The following POLR3B variants were observed in gnomAD, a reference collection of about 807,000 sequenced individuals.
POLR3B encodes DNA-directed RNA polymerase III subunit RPC2.
Under a neutral mutation model 147.4 loss-of-function variants are expected in POLR3B, and 96 were observed. That is an observed-to-expected ratio of 0.65 (90% CI 0.55 to 0.77). The LOEUF is 0.77. Ranked by LOEUF, POLR3B falls within the 30% of genes least tolerant of loss-of-function variation. The pLI is 0.00. For missense variants in POLR3B, 1,036 were observed against 1,413.5 expected, an observed-to-expected ratio of 0.73 and a Z score of 4.28; for synonymous variants, 461 against 485.9, an observed-to-expected ratio of 0.95 and a Z score of 0.67.
chr12:106,451,850 G>A (rs2037801560), intron 19 of POLR3B, among the ~76,000 whole-genome samples: 1 of 152,126 alleles, frequency 6.6e-6, no homozygotes, highest in Non-Finnish European at 1.5e-5. Context: ...GTGCCAGCTT[G>A]TGACTTAAGA....
chr12:106,442,259 A>C (rs921132547), intron 18 of POLR3B, among the ~76,000 whole-genome samples: 1 of 152,112 alleles, frequency 6.6e-6, no homozygotes, highest in African/African-American at 2.4e-5. Flanking sequence ...TAAGAGAAAA[A>C]AACTTCAGAT....
At chr12:106,371,133 T>G (rs546755630) in intron 6 of POLR3B, among the ~76,000 whole-genome samples, 3 of 152,068 alleles carry the variant, frequency 2.0e-5, no homozygotes, top group African/African-American at 7.2e-5. Context: ...GCGAAGGACA[T>G]GAACAGACAC....
chr12:106,499,617 A>G (rs888218040), intron 25 of POLR3B, among the ~76,000 whole-genome samples: 2 of 152,202 alleles, frequency 1.3e-5, no homozygotes, highest in African/African-American at 4.8e-5. Context: ...ACCATGAGCA[A>G]CCCTACCATT....
At chr12:106,464,698 G>C (rs1310652123) in intron 23 of POLR3B, among the ~76,000 whole-genome samples, 1 of 151,958 alleles carries the variant, frequency 6.6e-6, no homozygotes, top group Non-Finnish European at 1.5e-5. Context: ...TTTCTACCTT[G>C]ACTCTCACAT....
intron 21 of POLR3B, among the ~76,000 whole-genome samples, chr12:106,458,429 A>G (rs1481272284): frequency 6.6e-6 from 1 of 152,158 alleles, no homozygotes; most frequent in Non-Finnish European, 1.5e-5. Context: ...TATTTTCATT[A>G]TGATCCTAAA....
At chr12:106,383,926 C>T (rs778106645) in intron 9 of POLR3B, among the ~76,000 whole-genome samples, 19 of 149,644 alleles carry the variant, frequency 1.3e-4, no homozygotes, top group Admixed American at 6.0e-4. Flanking sequence ...TGCGGTGAGC[C>T]GAGATTGCAC....
In POLR3B at chr12:106,427,262, C is replaced by T; in HGVS notation, c.1167C>T (p.Asp389=). 1.2e-6 allele frequency: 2 copies of T among 1,611,218 alleles called. No individual in the cohort carries two copies. The highest frequency in any genetic ancestry group is 1.7e-6 in the Non-Finnish European group (2 of 1,178,474). Residue 389 remains aspartate, a synonymous_variant, in exon 13 of 28, where the codon GAC becomes GAT. Coordinates refer to ENST00000228347, the MANE Select transcript of POLR3B (RefSeq NM_018082.6). ...KFNSEMKKIA[D]QVIPKQRAAQ... ...ATTCTGAAATGAAAAAGATTGCCGA[C>T]CAGGTGATTCCTAAGCAAAGAGCAG...
chr12:106,485,516 G>A (rs1412015188), intron 23 of POLR3B, among the ~76,000 whole-genome samples: 1 of 152,178 alleles, frequency 6.6e-6, no homozygotes, highest in Non-Finnish European at 1.5e-5. Flanking sequence ...AAGGGTGGTG[G>A]CTTGGACTAG....
chr12:106,411,052 T>C, intron 12 of POLR3B, 92 bp downstream of exon 12: 1 of 1,285,346 alleles, frequency 7.8e-7, no homozygotes, highest in Non-Finnish European at 1.1e-6. Flanking sequence ...TTGAATGAAA[T>C]ATAGTTTGCA....
At chr12:106,479,796 C>CTTCTTTGCTTTTCTT (rs2038239728) in intron 23 of POLR3B, among the ~76,000 whole-genome samples, 2 of 133,916 alleles carry the variant, frequency 1.5e-5, no homozygotes, top group African/African-American at 6.0e-5. Context: ...TCTTTCCTTC[C>CTTCTTTGCTTTTCTT]TTCTTTTCTT....
rs1043014755 is a variant in POLR3B, at chr12:106,454,523, G to A, written c.2105G>A (p.Arg702Gln). Residue 702 changes from arginine (R) to glutamine (Q), a missense_variant, in exon 20 of 28, where the codon CGA becomes CAA. By Grantham distance (43) the Arg-to-Gln change is conservative. This residue lies in a region of POLR3B where 202 missense variants were observed against 272.8 expected (regional missense o/e 0.74). Coordinates refer to ENST00000228347, the MANE Select transcript of POLR3B (RefSeq NM_018082.6). ...QAMGTIGYNQRNRIDTLMYLL... is the reference protein window; with the variant it reads ...QAMGTIGYNQQNRIDTLMYLL... ...GCAGGTACTATAGGATACAACCAGC[G>A]AAACAGAATTGATACTCTCATGTAT... is the stretch of plus-strand genomic sequence containing the variant. The A allele has an allele frequency of 1.4e-5, 23 of 1,594,966 alleles. No individual in the cohort carries two copies. The highest frequency in any genetic ancestry group is 2.2e-5 in the South Asian group (2 of 90,762).
chr12:106,395,175 T>G (rs964153736), intron 10 of POLR3B, among the ~76,000 whole-genome samples: 2 of 152,128 alleles, frequency 1.3e-5, no homozygotes, highest in Non-Finnish European at 2.9e-5. Context: ...AAGGCTGCAG[T>G]GACCCATGAT....
At chr12:106,449,628 T>C (rs2037771727) in intron 19 of POLR3B, among the ~76,000 whole-genome samples, 1 of 152,156 alleles carries the variant, frequency 6.6e-6, no homozygotes, top group South Asian at 2.1e-4. Flanking sequence ...GAAAATATAT[T>C]TATTGTTCTT....
At chr12:106,400,730 G>A (rs1437932180) in intron 10 of POLR3B, among the ~76,000 whole-genome samples, 1 of 152,136 alleles carries the variant, frequency 6.6e-6, no homozygotes, top group African/African-American at 2.4e-5. Context: ...TGACTACTGG[G>A]TACATAATGA....
chr12:106,509,874 T>G lies in POLR3B; in HGVS notation c.*325T>G. The stretch of plus-strand genomic sequence containing the variant: ...TTCACTCATTAGAAGACCTTACTCC[T>G]TCAAGCAAATGTTTGGGGTCAAATT... On this transcript the variant is annotated 3_prime_UTR_variant, in exon 28 of 28. Coordinates refer to ENST00000228347, the MANE Select transcript of POLR3B (RefSeq NM_018082.6). 1 of 240,772 alleles carries G rather than the reference T, an allele frequency of 4.2e-6. No homozygotes were observed. Among genetic ancestry groups the G allele is most frequent in the Non-Finnish European group, 8.3e-6 (1 of 120,246 alleles). The allele number at this position is 240,772 out of a possible 1,614,324, so 14.9% of individuals were successfully genotyped here.
chr12:106,448,568 C>T (rs2137021551), intron 19 of POLR3B, among the ~76,000 whole-genome samples: 1 of 149,514 alleles, frequency 6.7e-6, no homozygotes. Flanking sequence ...TCCTGAGTAG[C>T]TGGGACTACA....
In POLR3B at chr12:106,405,952, T is replaced by C; in HGVS notation, c.942T>C (p.Ala314=). 1.2e-6 allele frequency: 2 copies of C among 1,613,930 alleles called. No individual in the cohort carries two copies. The highest frequency in any genetic ancestry group is 1.7e-6 in the Non-Finnish European group (2 of 1,179,856). ...TAGAAGAAGCAAGAGAGCTCCTGGC[T>C]TCCACCATTCTGACCCATGTCCCAG... ...TKIEEARELL[A]STILTHVPVK... Residue 314 remains alanine (A), a synonymous_variant, in exon 11 of 28, where the codon GCT becomes GCC. Coordinates refer to ENST00000228347, the MANE Select transcript of POLR3B (RefSeq NM_018082.6).
Position 106,496,050 on chromosome 12 carries a change from C to A in POLR3B, c.2714-5C>A. ...TTATGTGGCATGAAATCTTCTCTCC[C>A]CCAGGTGTTTGTGGCTTGATCGTCC... On this transcript the variant is annotated splice_polypyrimidine_tract_variant and splice_region_variant and intron_variant, in intron 23 of 27. Transcript: ENST00000228347. The A allele has an allele frequency of 6.4e-7, 1 of 1,571,618 alleles. No homozygotes were observed. Among genetic ancestry groups the A allele is most frequent in the Non-Finnish European group, 8.8e-7 (1 of 1,141,378 alleles).
intron 22 of POLR3B, among the ~76,000 whole-genome samples, chr12:106,460,985 C>G (rs1312520504): frequency 6.6e-6 from 1 of 152,106 alleles, no homozygotes; most frequent in Non-Finnish European, 1.5e-5. Flanking sequence ...TGTTACCTTC[C>G]GCTTGCTCCC....
Sources: gnomAD v4.1 joint callset for allele counts (sites outside exome capture counted in the v4.1 genomes callset) on GRCh38, gnomAD v4.1.1 for gene constraint, gnomAD v4.1.1 regional missense constraint, MANE v1.5 for transcripts, NCBI Gene and HGNC (gene_info 2026-07-23, HGNC 2026-07-21) for gene names.